EXPH5: variants seen among roughly 807,000 people sequenced by gnomAD.
The protein encoded by EXPH5 is exophilin 5.
In EXPH5, 42 loss-of-function variants were observed where a neutral mutation model predicts 41.1. The ratio of observed to expected loss-of-function variants is 1.02; its 90% confidence interval spans 0.80 to 1.32. The LOEUF (loss-of-function observed/expected upper bound fraction) is 1.32. Among genes scored for constraint, EXPH5 ranks in the 40% most tolerant of loss-of-function variants. The probability of loss-of-function intolerance (pLI) is 0.00; values close to 1 mark genes in which losing one functional copy is unlikely to be tolerated. For synonymous variants in EXPH5, 798 were observed against 833.5 expected, an observed-to-expected ratio of 0.96 and a Z score of 0.73; for missense variants, 2,298 against 2,314.5, an observed-to-expected ratio of 0.99 and a Z score of 0.15.
chr11:108,596,816 T>C (rs896407605), upstream of EXPH5, among the ~76,000 whole-genome samples: 5 of 152,328 alleles, frequency 3.3e-5, no homozygotes, highest in Middle Eastern at 3.4e-3. Flanking sequence ...TTACAAGGCA[T>C]TGGGGACTGC....
intron 1 of EXPH5, among the ~76,000 whole-genome samples, chr11:108,573,238 AAGG>A (rs2094068980): frequency 6.6e-6 from 1 of 152,152 alleles, no homozygotes; most frequent in African/African-American, 2.4e-5. Flanking sequence ...GCAAACCAGC[AAGG>A]AAGCAAGCAA....
At chr11:108,581,246 G>A (rs1324514131) in intron 1 of EXPH5, among the ~76,000 whole-genome samples, 1 of 152,138 alleles carries the variant, frequency 6.6e-6, no homozygotes, top group Non-Finnish European at 1.5e-5. Flanking sequence ...GGAGGTTGCA[G>A]TGAGCCCAGA....
intron 1 of EXPH5, among the ~76,000 whole-genome samples, chr11:108,566,050 A>G (rs1817800948): frequency 6.6e-6 from 1 of 152,260 alleles, no homozygotes; most frequent in Admixed American, 6.5e-5. Flanking sequence ...GAAATTCAGG[A>G]TCTATTGGTG....
chr11:108,541,255 C>T (rs1373255254), intron 2 of EXPH5, among the ~76,000 whole-genome samples: 1 of 152,072 alleles, frequency 6.6e-6, no homozygotes, highest in East Asian at 1.9e-4. Flanking sequence ...CTCGTAACCA[C>T]CTTATGAGGT....
At position 108,593,474 on chromosome 11, in the gene EXPH5, G is replaced by T. The variant is rs2094133465; in HGVS notation, c.63C>A (p.Ile21=). The T allele has an allele frequency of 1.2e-6, 2 of 1,614,084 alleles. No individual in the cohort carries two copies. Among genetic ancestry groups the T allele is most frequent in the African/African-American group, 2.7e-5 (2 of 74,938 alleles). ...CCTCATTCCTTTCCAGCACCTGAAG[G>T]ATCTTCCTGGCCTCTTCGTCATTTA... is the stretch of plus-strand genomic sequence containing the variant. ...SFLNDEEARK[I]LQVLERNEEL... is the part of the protein sequence containing the mutation. Residue 21 remains isoleucine, a synonymous_variant, in exon 1 of 6, where the codon ATC becomes ATA. Coordinates refer to ENST00000265843, the MANE Select transcript of EXPH5 (RefSeq NM_015065.3).
the EXPH5 span, among the ~76,000 whole-genome samples, chr11:108,602,995 T>C: frequency 4.6e-5 from 7 of 152,268 alleles, no homozygotes; most frequent in Non-Finnish European, 1.0e-4. Flanking sequence ...GTTCTCGTGA[T>C]AGTGAGTGAA....
intron 1 of EXPH5, among the ~76,000 whole-genome samples, chr11:108,591,941 T>A (rs1403677811): frequency 2.0e-5 from 3 of 152,214 alleles, no homozygotes. Flanking sequence ...AGAAGCCCCA[T>A]CCTCTTCAGA....
intron 3 of EXPH5, among the ~76,000 whole-genome samples, chr11:108,533,142 C>T (rs530694719): frequency 2.6e-5 from 4 of 152,180 alleles, no homozygotes; most frequent in South Asian, 2.1e-4. Flanking sequence ...GTGGAAATTT[C>T]ATCTCTACTT....
chr11:108,563,843 A>T (rs1197907287), intron 1 of EXPH5, among the ~76,000 whole-genome samples: 3 of 152,164 alleles, frequency 2.0e-5, no homozygotes, highest in Non-Finnish European at 4.4e-5. Flanking sequence ...TGGCTGTGTG[A>T]GGGGCTGCTC....
intron 3 of EXPH5, among the ~76,000 whole-genome samples, 161 bp from the exon 4 acceptor site, chr11:108,528,345 A>C (rs1024692820): frequency 6.6e-6 from 1 of 152,256 alleles, no homozygotes; most frequent in Non-Finnish European, 1.5e-5. Context: ...ATTGAAAAAA[A>C]TTAGAAACTG....
At position 108,561,581 on chromosome 11, in the gene EXPH5, G is replaced by GT. The variant is rs139432491; in HGVS notation, c.120-19770dup. Among the ~76,000 whole-genome samples the GT allele has an allele frequency of 2.5e-3, 374 of 152,236 alleles. 2 individuals carry two copies. Among genetic ancestry groups the GT allele is most frequent in the African/African-American group, 8.6e-3 (356 of 41,540 alleles). On this transcript the variant is annotated intron_variant, in intron 1 of 5. Transcript: ENST00000265843. Reference sequence around the variant, plus strand: ...ATGGGTAGTTCCTGTGCTTTGCCTCGTGGGATCCAACATTTTTTGCATTCC... The same window carrying GT: ...ATGGGTAGTTCCTGTGCTTTGCCTCGTTGGGATCCAACATTTTTTGCATTCC...
At chr11:108,590,843 T>C (rs1394949019) in intron 1 of EXPH5, among the ~76,000 whole-genome samples, 1 of 152,158 alleles carries the variant, frequency 6.6e-6, no homozygotes, top group Non-Finnish European at 1.5e-5. Flanking sequence ...TGTAGAGACA[T>C]GGTCTCTCTG....
intron 5 of EXPH5, among the ~76,000 whole-genome samples, chr11:108,515,880 G>A (rs1367522646): frequency 6.6e-6 from 1 of 152,068 alleles, no homozygotes; most frequent in Non-Finnish European, 1.5e-5. Context: ...AGACCATCCT[G>A]GCTAACATGG....
chr11:108,528,368 A>G (rs760849052), intron 3 of EXPH5, among the ~76,000 whole-genome samples, 184 bp from the exon 4 acceptor site: 12 of 152,208 alleles, frequency 7.9e-5, no homozygotes, highest in Non-Finnish European at 1.3e-4. Flanking sequence ...TCCTATGATT[A>G]CCCAGAATCA....
At position 108,511,969 on chromosome 11, in the gene EXPH5, GT is replaced by G. The variant is rs1318249569; in HGVS notation, c.3537del (p.Gln1179HisfsTer66). The stretch of plus-strand genomic sequence containing the variant: ...TATTCTTGGAAGTTTTCCTTTTGGT[GT>G]TGTCTTTTGGTTAAAGAACAATCTC... The part of the protein sequence containing the change: ...SVRDCSLTKR[Q>X]HQKENFQEYT... On this transcript the variant is annotated frameshift_variant, in exon 6 of 6. Transcript: ENST00000265843. LOFTEE classifies it low-confidence loss of function (END_TRUNC). 6.3e-7 allele frequency: 1 copy of G among 1,599,630 alleles called. No individual in the cohort carries two copies. The highest frequency in any genetic ancestry group is 2.2e-5 in the East Asian group (1 of 44,838).
At chr11:108,517,355 C>T (rs1221679620) in intron 5 of EXPH5, among the ~76,000 whole-genome samples, 1 of 152,192 alleles carries the variant, frequency 6.6e-6, no homozygotes, top group Non-Finnish European at 1.5e-5. Flanking sequence ...CTGTTCTCTG[C>T]CAGGAAGCAT....
chr11:108,520,653 A>G (rs2093759227), intron 4 of EXPH5, among the ~76,000 whole-genome samples: 1 of 151,680 alleles, frequency 6.6e-6, no homozygotes, highest in African/African-American at 2.4e-5. Context: ...TGCACCATCC[A>G]CCTCCCTGGC....
At chr11:108,536,432 AT>A (rs1226294645) in intron 3 of EXPH5, among the ~76,000 whole-genome samples, 7 of 151,980 alleles carry the variant, frequency 4.6e-5, no homozygotes, top group Non-Finnish European at 1.0e-4. Context: ...TGTCCAGATA[AT>A]TTATCTTTTT....
chr11:108,550,957 T>C (rs960592550), intron 1 of EXPH5, among the ~76,000 whole-genome samples: 4 of 152,104 alleles, frequency 2.6e-5, no homozygotes, highest in Non-Finnish European at 5.9e-5. Flanking sequence ...TGGGAAATCT[T>C]ATAAAGCCGA....
Sources: allele counts gnomAD v4.1 joint callset (sites outside exome capture counted in the v4.1 genomes callset), GRCh38; gene constraint gnomAD v4.1.1; transcripts MANE v1.5; gene names NCBI Gene and HGNC (gene_info 2026-07-23, HGNC 2026-07-21).